ZMIZ1: variants seen among roughly 807,000 people sequenced by gnomAD.
ZMIZ1 encodes zinc finger MIZ domain-containing protein 1.
A neutral mutation model predicts 113.9 loss-of-function variants in ZMIZ1; 17 were observed. The observed-to-expected ratio is 0.15, with a 90% CI of 0.10 to 0.22. The LOEUF (loss-of-function observed/expected upper bound fraction) is 0.22. Among genes scored for constraint, ZMIZ1 ranks in the 10% least tolerant of loss-of-function variants. The pLI, the probability that ZMIZ1 is intolerant of heterozygous loss-of-function variation, is 1.00. For synonymous variants in ZMIZ1, 607 were observed against 603.1 expected (o/e 1.01, Z -0.09); for missense variants, 1,059 against 1,477.8 (o/e 0.72, Z 4.65).
chr10:79,198,120 G>A (rs1164287910), intron 4 of ZMIZ1, among the ~76,000 whole-genome samples: 2 of 151,920 alleles, frequency 1.3e-5, no homozygotes, highest in Non-Finnish European at 2.9e-5. Context: ...CTAGCCGGAC[G>A]TGGTGGTGGG....
At chr10:79,201,531 A>C in intron 4 of ZMIZ1, 53 bp from the exon 5 acceptor site, 1 of 1,381,028 alleles carries the variant, frequency 7.2e-7, no homozygotes, top group South Asian at 1.3e-5. Flanking sequence ...GAGGCTGCTC[A>C]AGGTTGGCAG....
chr10:79,081,849 G>A (rs1370470261), intron 1 of ZMIZ1, among the ~76,000 whole-genome samples: 1 of 152,268 alleles, frequency 6.6e-6, no homozygotes, highest in African/African-American at 2.4e-5. Context: ...CAGTATCACT[G>A]CATCGGGGAG....
chr10:79,307,278 T>C (rs918309893), intron 22 of ZMIZ1, 127 bp from the exon 23 acceptor site: 4 of 929,362 alleles, frequency 4.3e-6, no homozygotes, highest in Non-Finnish European at 6.6e-6. Context: ...CTCGGGCTGC[T>C]GTGACCTACT....
chr10:79,089,791 C>T (rs887961236), intron 1 of ZMIZ1, among the ~76,000 whole-genome samples: 1 of 152,108 alleles, frequency 6.6e-6, no homozygotes, highest in Non-Finnish European at 1.5e-5. Flanking sequence ...GACCCCCACC[C>T]CCTACCCCTC....
At chr10:79,305,659 C>T in intron 21 of ZMIZ1, 58 bp downstream of exon 21, 1 of 1,564,212 alleles carries the variant, frequency 6.4e-7, no homozygotes. Flanking sequence ...TGGATTAGAG[C>T]AAGGTGAGCA....
At chr10:79,249,631 G>A (rs1850421906) in intron 7 of ZMIZ1, among the ~76,000 whole-genome samples, 1 of 152,228 alleles carries the variant, frequency 6.6e-6, no homozygotes, top group Non-Finnish European at 1.5e-5. Context: ...ATTAAATGAA[G>A]TTTTCAGTTC....
chr10:79,277,096 C>G, intron 7 of ZMIZ1, 85 bp from the exon 8 acceptor site: 1 of 1,427,368 alleles, frequency 7.0e-7, no homozygotes, highest in Non-Finnish European at 9.2e-7. Context: ...TGGATAGCAC[C>G]CAGTCTGGGG....
intron 1 of ZMIZ1, among the ~76,000 whole-genome samples, chr10:79,110,806 C>T (rs906885584): frequency 6.6e-6 from 1 of 152,206 alleles, no homozygotes; most frequent in African/African-American, 2.4e-5. Flanking sequence ...TCTGGGGCTT[C>T]CATTTTCACC....
intron 8 of ZMIZ1, among the ~76,000 whole-genome samples, chr10:79,286,465 G>T (rs1265359563): frequency 6.6e-6 from 1 of 152,272 alleles, no homozygotes; most frequent in Non-Finnish European, 1.5e-5. Flanking sequence ...TGCCACTTCT[G>T]CTTCTGCAGC....
At chr10:79,075,383 C>T (rs1842432957) in intron 1 of ZMIZ1, among the ~76,000 whole-genome samples, 1 of 152,146 alleles carries the variant, frequency 6.6e-6, no homozygotes, top group Admixed American at 6.5e-5. Flanking sequence ...GGATATTTGT[C>T]CCTAGGCACT....
chr10:79,229,534 C>A (rs1756164419), intron 7 of ZMIZ1, among the ~76,000 whole-genome samples: 1 of 152,196 alleles, frequency 6.6e-6, no homozygotes, highest in African/African-American at 2.4e-5. Flanking sequence ...ACTATTGTCT[C>A]TGCAGGAAAC....
chr10:79,191,781 GT>G (rs1847615358), intron 4 of ZMIZ1, among the ~76,000 whole-genome samples: 1 of 152,234 alleles, frequency 6.6e-6, no homozygotes, highest in Non-Finnish European at 1.5e-5. Flanking sequence ...GTTGTCAGTA[GT>G]GTGACCCTAA....
chr10:79,174,604 A>G (rs1846746641), intron 4 of ZMIZ1, among the ~76,000 whole-genome samples: 1 of 152,198 alleles, frequency 6.6e-6, no homozygotes, highest in African/African-American at 2.4e-5. Flanking sequence ...AGGGATGCTC[A>G]TGTTGGGAAT....
chr10:79,275,350 T>G (rs915367602), intron 7 of ZMIZ1, among the ~76,000 whole-genome samples: 9 of 152,318 alleles, frequency 5.9e-5, no homozygotes, highest in African/African-American at 1.9e-4. Flanking sequence ...CTTTTAAGAC[T>G]TAGCTCATCC....
intron 8 of ZMIZ1, among the ~76,000 whole-genome samples, chr10:79,280,798 C>A (rs1239785723): frequency 6.6e-6 from 1 of 152,270 alleles, no homozygotes; most frequent in South Asian, 2.1e-4. Flanking sequence ...AAAGACAAAA[C>A]CTGCCTCCAC....
intron 7 of ZMIZ1, among the ~76,000 whole-genome samples, chr10:79,224,425 C>G (rs1849119538): frequency 6.6e-6 from 1 of 152,148 alleles, no homozygotes; most frequent in Admixed American, 6.5e-5. Context: ...GCGCAGCCCT[C>G]TCTGGTTCCC....
Position 79,277,232 on chromosome 10 carries a change from A to G in ZMIZ1, c.332A>G (p.His111Arg). Residue 111 changes from histidine (H) to arginine (R), a missense_variant, in exon 8 of 25, where the codon CAT (histidine) becomes CGT (arginine). Physicochemically the swap from His to Arg is conservative, Grantham distance 29. Coordinates refer to ENST00000334512, the MANE Select transcript of ZMIZ1 (RefSeq NM_020338.4). The part of the protein sequence containing the change: ...EELGRLLLLR[H>R]QKSRQSDPPG... ...CTCGGCCGCCTGCTGCTGCTCCGACATCAGAAGAGCCGCCAGAGCGATCCC... is the reference window on the plus strand; with the variant it reads ...CTCGGCCGCCTGCTGCTGCTCCGACGTCAGAAGAGCCGCCAGAGCGATCCC... 2 of 1,588,950 alleles carry G rather than the reference A, an allele frequency of 1.3e-6. No individual in the cohort carries two copies. Among genetic ancestry groups the G allele is most frequent in the Non-Finnish European group, 1.7e-6 (2 of 1,167,720 alleles).
rs891493062 is a variant in ZMIZ1, at chr10:79,208,278, G to A, written c.61-58G>A. ...TTCTTCCCACCCCAGACCCCCACAC[G>A]CTGCCTGTGCTACCCTCACTCTTGG... On this transcript the variant is annotated intron_variant, in intron 5 of 24. Transcript: ENST00000334512. 13 of 1,506,962 alleles carry A rather than the reference G, an allele frequency of 8.6e-6. No homozygotes were observed. The East Asian group carries it at 9.1e-5, about 10-fold the overall frequency. The allele number at this position is 1,506,962 out of a possible 1,614,324, so 93.3% of individuals were successfully genotyped here. A position where few individuals can be genotyped will look rare whatever the true frequency, so the allele number is the denominator to read the frequency against.
At chr10:79,120,558 G>A (rs1010136948) in intron 2 of ZMIZ1, among the ~76,000 whole-genome samples, 9 of 152,210 alleles carry the variant, frequency 5.9e-5, no homozygotes, top group African/African-American at 2.2e-4. Context: ...CCAGCCATGT[G>A]ACTGACCATG....
Sources: allele counts gnomAD v4.1 joint callset (sites outside exome capture counted in the v4.1 genomes callset), GRCh38; gene constraint gnomAD v4.1.1; transcripts MANE v1.5; gene names NCBI Gene and HGNC (gene_info 2026-07-23, HGNC 2026-07-21).